SPAG16: variants seen among roughly 807,000 people sequenced by gnomAD.
SPAG16 encodes the protein sperm-associated antigen 16 protein.
In SPAG16, 86 loss-of-function variants were observed where a neutral mutation model predicts 80.4. That is an observed-to-expected ratio of 1.07 (90% confidence interval 0.90 to 1.28). The LOEUF is 1.28. SPAG16 is among the 50% of genes most tolerant of loss of function. The pLI, the probability that SPAG16 is intolerant of heterozygous loss-of-function variation, is 0.00. For missense variants in SPAG16, 870 were observed against 765.3 expected (o/e 1.14, Z -1.61); for synonymous variants, 294 against 265.9 (o/e 1.11, Z -1.03).
intron 15 of SPAG16, among the ~76,000 whole-genome samples, chr2:214,404,277 G>C (rs1192622932): frequency 2.6e-5 from 4 of 152,174 alleles, no homozygotes; most frequent in African/African-American, 9.6e-5. Context: ...CCAAAGATCT[G>C]ATTTCAGCCA....
Position 213,638,402 on chromosome 2 carries a change from C to A in SPAG16, c.1070+148312C>A, listed in dbSNP as rs994599616. Among the ~76,000 whole-genome samples, 8 of 152,084 alleles carry A rather than the reference C, an allele frequency of 5.3e-5. 1 individual carries two copies. Among genetic ancestry groups the A allele is most frequent in the Admixed American group, 1.3e-4 (2 of 15,270 alleles). On this transcript the variant is annotated intron_variant, in intron 10 of 15. Transcript: ENST00000331683. The stretch of plus-strand genomic sequence containing the variant: ...TTAATGCTACTAACTATTTTCTTAG[C>A]AGGGATTTTGCTGTTTCCCAGAGGT...
intron 8 of SPAG16, among the ~76,000 whole-genome samples, chr2:213,371,501 G>T (rs148109950): frequency 6.7e-6 from 1 of 149,584 alleles, no homozygotes; most frequent in Non-Finnish European, 1.5e-5. Flanking sequence ...ACTTCCTCCC[G>T]CTTTACTTGC....
At position 214,218,295 on chromosome 2, in the gene SPAG16, G is replaced by A. The variant is rs988709617; in HGVS notation, c.1720+69029G>A. Among the ~76,000 whole-genome samples the A allele has an allele frequency of 3.9e-5, 6 of 152,272 alleles. No homozygotes were observed. In the East Asian group the frequency reaches 9.7e-4, roughly 25 times the overall value. On this transcript the variant is annotated intron_variant, in intron 15 of 15. Transcript: ENST00000331683. ...CGAGGTCCCCTTAAACAGTCTGGGG[G>A]ACCCCTAGAAGTCCTGAAGCCACCC...
At chr2:213,512,905 G>T (rs1449956552) in intron 10 of SPAG16, among the ~76,000 whole-genome samples, 1 of 151,752 alleles carries the variant, frequency 6.6e-6, no homozygotes, top group Non-Finnish European at 1.5e-5. Flanking sequence ...CCAAACTGCT[G>T]CTGGTAATTC....
intron 15 of SPAG16, among the ~76,000 whole-genome samples, chr2:214,392,771 A>G (rs1701165908): frequency 6.6e-6 from 1 of 152,016 alleles, no homozygotes; most frequent in South Asian, 2.1e-4. Flanking sequence ...AACGCCTAAG[A>G]GAAATACTTC....
intron 10 of SPAG16, among the ~76,000 whole-genome samples, chr2:213,490,705 G>A (rs180941914): frequency 1.3e-4 from 19 of 151,946 alleles, no homozygotes; most frequent in Non-Finnish European, 2.5e-4. Flanking sequence ...ATTTCATTAA[G>A]TGGCCAGCTT....
rs113581915 is a variant in SPAG16, at chr2:213,555,273, T to TACCTC, written c.1070+65184_1070+65185insCCTCA. Among the ~76,000 whole-genome samples the TACCTC allele has an allele frequency of 7.9e-4, 120 of 152,312 alleles. 2 individuals carry two copies. The highest frequency in any genetic ancestry group is 3.4e-3 in the Middle Eastern group (1 of 294). On this transcript the variant is annotated intron_variant, in intron 10 of 15. Coordinates refer to ENST00000331683, the MANE Select transcript of SPAG16 (RefSeq NM_024532.5). The stretch of plus-strand genomic sequence containing the variant: ...GGGCTTTGTGTTCCCACTCAAATCT[T>TACCTC]AAATTGTAATCCCTATAATCCTCAC...
At chr2:214,172,560 T>C (rs2056911425) in intron 15 of SPAG16, among the ~76,000 whole-genome samples, 1 of 152,130 alleles carries the variant, frequency 6.6e-6, no homozygotes, top group Non-Finnish European at 1.5e-5. Context: ...GCAATAAACA[T>C]ACGTGTGCAT....
chr2:214,267,156 C>T (rs991373622), intron 15 of SPAG16, among the ~76,000 whole-genome samples: 2 of 150,486 alleles, frequency 1.3e-5, no homozygotes, highest in African/African-American at 4.9e-5. Flanking sequence ...AGATAAAAAG[C>T]TAAAAAGATT....
At chr2:214,275,292 C>A (rs1004601867) in intron 15 of SPAG16, among the ~76,000 whole-genome samples, 2 of 152,136 alleles carry the variant, frequency 1.3e-5, no homozygotes, top group Non-Finnish European at 2.9e-5. Flanking sequence ...GTGTCTCTAT[C>A]TCCTTCAGAT....
At chr2:213,383,935 C>T (rs2067299958) in intron 9 of SPAG16, among the ~76,000 whole-genome samples, 1 of 152,164 alleles carries the variant, frequency 6.6e-6, no homozygotes, top group Non-Finnish European at 1.5e-5. Flanking sequence ...TGCTTCTAAT[C>T]TCACTTTATG....
intron 15 of SPAG16, among the ~76,000 whole-genome samples, chr2:214,319,553 A>G (rs562951497): frequency 6.6e-6 from 1 of 152,188 alleles, no homozygotes; most frequent in Admixed American, 6.5e-5. Flanking sequence ...TATCTATGGT[A>G]ATCTAGGTGA....
chr2:213,550,060 T>C (rs1464096898), intron 10 of SPAG16, among the ~76,000 whole-genome samples: 1 of 152,116 alleles, frequency 6.6e-6, no homozygotes, highest in Non-Finnish European at 1.5e-5. Flanking sequence ...TTTATTCACA[T>C]CTATCAATAC....
intron 1 of SPAG16, 86 bp downstream of exon 1, chr2:213,284,705 T>G: frequency 6.7e-7 from 1 of 1,481,720 alleles, no homozygotes; most frequent in South Asian, 1.3e-5. Flanking sequence ...TGGCGGCGCC[T>G]TTTGAGCCTT....
At chr2:214,112,017 A>G (rs867455901) in intron 14 of SPAG16, among the ~76,000 whole-genome samples, 48 of 152,016 alleles carry the variant, frequency 3.2e-4, no homozygotes, top group African/African-American at 1.1e-3. Flanking sequence ...GCTTAAGGAG[A>G]TTTTGGGCTG....
intron 15 of SPAG16, among the ~76,000 whole-genome samples, chr2:214,259,801 G>C (rs1385415837): frequency 6.6e-6 from 1 of 152,056 alleles, no homozygotes; most frequent in Admixed American, 6.6e-5. Context: ...ATGTGTGTTT[G>C]CATTTGTCTT....
At chr2:214,263,466 G>A (rs929318410) in intron 15 of SPAG16, among the ~76,000 whole-genome samples, 3 of 152,184 alleles carry the variant, frequency 2.0e-5, no homozygotes, top group East Asian at 1.9e-4. Flanking sequence ...TCAGTCTTGC[G>A]ATTTCAGAGT....
At chr2:213,800,270 C>T (rs956907793) in intron 10 of SPAG16, among the ~76,000 whole-genome samples, 1 of 151,930 alleles carries the variant, frequency 6.6e-6, no homozygotes, top group Non-Finnish European at 1.5e-5. Flanking sequence ...TTCTTGTGTA[C>T]TTTCCTTCAT....
chr2:213,686,750 C>T (rs944984889), intron 10 of SPAG16, among the ~76,000 whole-genome samples: 3 of 135,634 alleles, frequency 2.2e-5, no homozygotes, highest in Admixed American at 8.4e-5. Context: ...GTAGTGGTGC[C>T]GTCTCGGCTC....
Sources: allele counts gnomAD v4.1 joint callset (sites outside exome capture counted in the v4.1 genomes callset), GRCh38; gene constraint gnomAD v4.1.1; transcripts MANE v1.5; gene names NCBI Gene and HGNC (gene_info 2026-07-23, HGNC 2026-07-21).